Variants in PAK1 observed in about 807,000 individuals in gnomAD.
PAK1 encodes serine/threonine-protein kinase PAK 1.
PAK1 carries 29 observed loss-of-function variants against 67.4 expected under a neutral mutation model. That is an observed-to-expected ratio of 0.43 (90% CI 0.32 to 0.59). The LOEUF is 0.59. Among genes scored for constraint, PAK1 ranks in the 20% least tolerant of loss-of-function variants. PAK1 has a pLI of 0.07. For missense variants in PAK1, 337 were observed against 670.7 expected, an observed-to-expected ratio of 0.50 and a Z score of 5.50; for synonymous variants, 223 against 237.4, an observed-to-expected ratio of 0.94 and a Z score of 0.56.
Position 77,379,348 on chromosome 11 carries a change from T to C in PAK1, c.332A>G (p.Asn111Ser). ...TTTCTTCTGCTCCGACTTAGTGATATTTGATGTCTGAAGCAAGCGGGCCCA... is the reference window on the plus strand; with the variant it reads ...TTTCTTCTGCTCCGACTTAGTGATACTTGATGTCTGAAGCAAGCGGGCCCA... ...EQWARLLQTS[N>S]ITKSEQKKNP... is the part of the protein sequence containing the mutation. Residue 111 changes from asparagine (N) to serine (S), a missense_variant, in exon 4 of 15, where the codon AAT becomes AGT. Asn to Ser is a conservative substitution (Grantham distance 46, BLOSUM62 1). Transcript: ENST00000356341. 1 of 1,613,872 alleles carries C rather than the reference T, an allele frequency of 6.2e-7. No individual in the cohort carries two copies. Among genetic ancestry groups the C allele is most frequent in the Non-Finnish European group, 8.5e-7 (1 of 1,179,958 alleles).
chr11:77,376,313 C>T (rs473012), intron 4 of PAK1, among the ~76,000 whole-genome samples: 106,014 of 151,990 alleles, frequency 0.7, 37,754 homozygotes, highest in African/African-American at 0.84. Flanking sequence ...TACAGATGAG[C>T]AAAATGAGGT....
rs538502468 is a variant in PAK1 at position 77,337,215 on chromosome 11, A to G, written c.1216+109T>C. The G allele has an allele frequency of 5.5e-4, 303 of 555,040 alleles. No individual in the cohort carries two copies. In the Middle Eastern group the frequency reaches 5.6e-3, roughly 10 times the overall value. The allele number at this position is 555,040 out of a possible 1,614,324, so 34.4% of individuals were successfully genotyped here. Reference sequence around the variant, plus strand: ...AACAGCCCTCATATCCCATGAAATCATAAAGACCCTTTGGTGAGTGTCGTA... The same window carrying G: ...AACAGCCCTCATATCCCATGAAATCGTAAAGACCCTTTGGTGAGTGTCGTA... On this transcript the variant is annotated intron_variant, in intron 12 of 14. Coordinates refer to ENST00000356341, the MANE Select transcript of PAK1 (RefSeq NM_002576.5).
intron 1 of PAK1, among the ~76,000 whole-genome samples, chr11:77,402,882 C>T (rs1353564746): frequency 6.6e-6 from 1 of 152,192 alleles, no homozygotes; most frequent in Non-Finnish European, 1.5e-5. Context: ...ACTTCAGTCA[C>T]CCATGATCAC....
At chr11:77,371,286 T>C (rs1011996315) in intron 5 of PAK1, among the ~76,000 whole-genome samples, 1 of 152,242 alleles carries the variant, frequency 6.6e-6, no homozygotes, top group African/African-American at 2.4e-5. Context: ...CCAAGAACTC[T>C]GCAAACTTCC....
At position 77,406,605 on chromosome 11, in the gene PAK1, C is replaced by T. The variant is rs118085457; in HGVS notation, c.-21-14064G>A. 2.4e-4 allele frequency among the ~76,000 whole-genome samples: 36 copies of T among 152,270 alleles called. No individual in the cohort carries two copies. In the East Asian group the frequency reaches 6.4e-3, roughly 27 times the overall value. ...TCTGCCTGGGCAATGTGGTGAAACC[C>T]TGTCTCTACAAAAAATACAAAAGCT... On this transcript the variant is annotated intron_variant, in intron 1 of 14. Transcript: ENST00000356341.
At chr11:77,390,845 T>A (rs1951045116) in intron 2 of PAK1, among the ~76,000 whole-genome samples, 1 of 152,056 alleles carries the variant, frequency 6.6e-6, no homozygotes, top group South Asian at 2.1e-4. Flanking sequence ...GAAGTGAAGG[T>A]GAAGTAGAAG....
At chr11:77,401,109 A>T (rs1354215281) in intron 1 of PAK1, among the ~76,000 whole-genome samples, 1 of 152,212 alleles carries the variant, frequency 6.6e-6, no homozygotes, top group Non-Finnish European at 1.5e-5. Context: ...CACACTTTTT[A>T]GTCCAAACAG....
chr11:77,349,725 T>C (rs1283501092), intron 8 of PAK1, among the ~76,000 whole-genome samples: 1 of 152,090 alleles, frequency 6.6e-6, no homozygotes, highest in Non-Finnish European at 1.5e-5. Flanking sequence ...CCATCACCCT[T>C]GGCACGTGGC....
At chr11:77,510,228 T>C in the PAK1 span, among the ~76,000 whole-genome samples, 2 of 152,240 alleles carry the variant, frequency 1.3e-5, no homozygotes, top group Non-Finnish European at 2.9e-5. Flanking sequence ...GATTCACTTA[T>C]GACTTAGCCA....
the PAK1 span, among the ~76,000 whole-genome samples, chr11:77,526,742 C>CCGGTCT: frequency 6.6e-6 from 1 of 151,994 alleles, no homozygotes; most frequent in South Asian, 2.1e-4. Context: ...ATGGTGAAAC[C>CCGGTCT]CGGTCTCTAC....
intron 1 of PAK1, among the ~76,000 whole-genome samples, chr11:77,403,562 CCTT>C (rs1293772289): frequency 6.6e-6 from 1 of 152,210 alleles, no homozygotes; most frequent in African/African-American, 2.4e-5. Context: ...CAGTCCCCTG[CCTT>C]TTTTTCCTCT....
chr11:77,406,041 G>C (rs1295507800), intron 1 of PAK1, among the ~76,000 whole-genome samples: 3 of 152,170 alleles, frequency 2.0e-5, no homozygotes, highest in East Asian at 3.9e-4. Flanking sequence ...CCATCTTTCT[G>C]TCTACTCCTA....
At position 77,340,261 on chromosome 11, in the gene PAK1, T is replaced by A. The variant is rs548642914; in HGVS notation, c.1116+385A>T. 7.2e-5 allele frequency among the ~76,000 whole-genome samples: 11 copies of A among 152,286 alleles called. No homozygotes were observed. The East Asian group carries it at 1.9e-3, about 27-fold the overall frequency. ...CACTACCTTCTTACTCTGTTTTATT[T>A]TCCTTATAGCACATAAATAAAGCAA... On this transcript the variant is annotated intron_variant, in intron 11 of 14. Coordinates refer to ENST00000356341, the MANE Select transcript of PAK1 (RefSeq NM_002576.5).
the PAK1 span, among the ~76,000 whole-genome samples, chr11:77,487,111 C>T: frequency 5.3e-5 from 8 of 152,112 alleles, no homozygotes; most frequent in African/African-American, 9.7e-5. Context: ...GATACTTGCT[C>T]AGCCACAGTA....
At chr11:77,502,798 T>C in the PAK1 span, among the ~76,000 whole-genome samples, 1 of 152,256 alleles carries the variant, frequency 6.6e-6, no homozygotes, top group East Asian at 1.9e-4. Flanking sequence ...TGCACATATC[T>C]GCTTGTAAGG....
intron 5 of PAK1, 62 bp downstream of exon 5, chr11:77,374,266 A>T: frequency 9.0e-7 from 1 of 1,116,202 alleles, no homozygotes; most frequent in South Asian, 1.3e-5. Context: ...TGCCTCTACC[A>T]CACTGTCTTG....
At chr11:77,491,001 A>G in the PAK1 span, among the ~76,000 whole-genome samples, 1 of 152,008 alleles carries the variant, frequency 6.6e-6, no homozygotes, top group Non-Finnish European at 1.5e-5. Flanking sequence ...CGGAAGGCCG[A>G]AGGGTCCTCT....
chr11:77,352,418 G>A (rs546513237), intron 8 of PAK1, among the ~76,000 whole-genome samples: 3 of 152,276 alleles, frequency 2.0e-5, no homozygotes, highest in South Asian at 2.1e-4. Flanking sequence ...ACGATGGACC[G>A]CATATGATGG....
chr11:77,458,746 A>C (rs1245390596), intron 1 of PAK1, among the ~76,000 whole-genome samples: 1 of 152,236 alleles, frequency 6.6e-6, no homozygotes, highest in Non-Finnish European at 1.5e-5. Context: ...AATACTAATT[A>C]TAGTGCAAAG....
Sources: allele counts gnomAD v4.1 joint callset (sites outside exome capture counted in the v4.1 genomes callset), GRCh38; gene constraint gnomAD v4.1.1; transcripts MANE v1.5; gene names NCBI Gene and HGNC (gene_info 2026-07-23, HGNC 2026-07-21).